The following ZNF462 variants were observed in gnomAD, a reference collection of about 807,000 sequenced individuals.
ZNF462 encodes zinc finger PBX1-interacting protein.
Under a neutral mutation model 201.9 loss-of-function variants are expected in ZNF462, and 10 were observed. The observed-to-expected ratio is 0.05, with a 90% CI of 0.03 to 0.08. The LOEUF (loss-of-function observed/expected upper bound fraction) is 0.08. Among genes scored for constraint, ZNF462 ranks in the 10% least tolerant of loss-of-function variants. ZNF462 has a pLI of 1.00. For missense variants in ZNF462, 2,523 were observed against 3,168.3 expected (o/e 0.80, Z 4.89); for synonymous variants, 1,227 against 1,193.3 (o/e 1.03, Z -0.58).
chr9:106,974,137 A>G lies in ZNF462; in HGVS notation c.6696A>G (p.Lys2232=). The G allele has an allele frequency of 6.2e-7, 1 of 1,614,028 alleles. No individual in the cohort carries two copies. Among genetic ancestry groups the G allele is most frequent in the South Asian group, 1.1e-5 (1 of 91,064 alleles). ...CKDCSFYTGF[K]SAFTMHVEAG... ...CCTCTCCTCCCAAACTCTCTCCTAG[A>G]TCTGCTTTTACTATGCACGTGGAAG... Residue 2232 remains lysine, a splice_region_variant and synonymous_variant, in exon 9 of 13, where the codon AAA becomes AAG. Transcript: ENST00000277225. The surrounding 1 kb of genome is among the most constrained non-coding windows in gnomAD (Gnocchi z 4.0).
At chr9:106,897,677 G>A (rs542242821) in intron 1 of ZNF462, among the ~76,000 whole-genome samples, 5 of 152,298 alleles carry the variant, frequency 3.3e-5, no homozygotes, top group African/African-American at 9.6e-5. Context: ...AAGGAGCACA[G>A]TAATATAATA....
At position 106,924,045 on chromosome 9, in the gene ZNF462, T is replaced by C. The variant is rs961478009; in HGVS notation, c.221-88T>C. 1.9e-5 allele frequency: 21 copies of C among 1,131,696 alleles called. No individual in the cohort carries two copies. In the South Asian group the frequency reaches 2.1e-4, roughly 11 times the overall value. 70.1% of individuals were successfully genotyped at this position (1,131,696 alleles called of 1,614,324 possible). On this transcript the variant is annotated intron_variant, in intron 2 of 12. Transcript: ENST00000277225. This position sits in a 1 kb window ranked among gnomAD's most constrained non-coding sequence, Gnocchi z 6.2. ...GCCTTTTGCATGTGATGTTTAGTAA[T>C]GAAGAATAATTGGAATGGTACTGAT...
rs1829352253 is a variant in ZNF462, at chr9:107,003,647, T to C, written c.7189+221T>C. ...AAAACAGACATTTTCTCCCTAATTA[T>C]AGATATATGTTTGTTGAAAAATAGA... On this transcript the variant is annotated intron_variant, in intron 11 of 12. Transcript: ENST00000277225. The surrounding 1 kb of genome is among the most constrained non-coding windows in gnomAD (Gnocchi z 4.4). 6.6e-6 allele frequency among the ~76,000 whole-genome samples: 1 copy of C among 152,138 alleles called. No homozygotes were observed. Among genetic ancestry groups the C allele is most frequent in the African/African-American group, 2.4e-5 (1 of 41,426 alleles).
chr9:106,862,831 ATTTC>A (rs747042341), upstream of ZNF462, among the ~76,000 whole-genome samples: 6 of 151,006 alleles, frequency 4.0e-5, no homozygotes, highest in Admixed American at 6.6e-5. The surrounding 1 kb of genome is among the most constrained non-coding windows in gnomAD (Gnocchi z 4.2). Context: ...CTTTTTCCTC[ATTTC>A]TTTCTTTCTT....
chr9:106,935,793 A>G lies in ZNF462; in HGVS notation c.6235+172A>G, dbSNP rs1333513458. Among the ~76,000 whole-genome samples the G allele has an allele frequency of 6.6e-6, 1 of 152,240 alleles. No individual in the cohort carries two copies. The highest frequency in any genetic ancestry group is 1.5e-5 in the Non-Finnish European group (1 of 68,030). On this transcript the variant is annotated intron_variant, in intron 6 of 12. Transcript: ENST00000277225. The surrounding 1 kb of genome is among the most constrained non-coding windows in gnomAD (Gnocchi z 4.1). Reference sequence around the variant, plus strand: ...GTAAAGAAAAAATAAAGAAAAAAGTAAAAGTTAAACAAAATCACCTAAATC... The same window carrying G: ...GTAAAGAAAAAATAAAGAAAAAAGTGAAAGTTAAACAAAATCACCTAAATC...
chr9:106,902,547 G>A lies in ZNF462; in HGVS notation c.-30-20807G>A, dbSNP rs943229333. On this transcript the variant is annotated intron_variant, in intron 1 of 12. Transcript: ENST00000277225. The surrounding 1 kb of genome is among the most constrained non-coding windows in gnomAD (Gnocchi z 4.2). ...GTAGAATTCTGCTGTGAATCCATCTGGTCCTGGACTTTTTTTGTTGGTAAT... is the reference window on the plus strand; with the variant it reads ...GTAGAATTCTGCTGTGAATCCATCTAGTCCTGGACTTTTTTTGTTGGTAAT... Among the ~76,000 whole-genome samples the A allele has an allele frequency of 6.6e-6, 1 of 151,972 alleles. No homozygotes were observed. The highest frequency in any genetic ancestry group is 1.5e-5 in the Non-Finnish European group (1 of 67,982).
In ZNF462 at chr9:106,928,411, C is replaced by T. The variant is rs900459415; in HGVS notation, c.4499C>T (p.Ala1500Val). ...GKKHPGMKVK[A>V]ADFAQDIDIN... Reference sequence around the variant, plus strand: ...AAGCACCCTGGCATGAAAGTGAAGGCTGCTGACTTTGCCCAGGACATTGAC... The same window carrying T: ...AAGCACCCTGGCATGAAAGTGAAGGTTGCTGACTTTGCCCAGGACATTGAC... The change falls in exon 3 of 13, where the codon GCT becomes GTT. Residue 1500 changes from alanine to valine, a missense_variant. Coordinates refer to ENST00000277225, the MANE Select transcript of ZNF462 (RefSeq NM_021224.6). This position sits in a 1 kb window ranked among gnomAD's most constrained non-coding sequence, Gnocchi z 9.3. The T allele has an allele frequency of 2.5e-6, 4 of 1,614,042 alleles. No homozygotes were observed. Among genetic ancestry groups the T allele is most frequent in the Non-Finnish European group, 3.4e-6 (4 of 1,180,028 alleles).
intron 7 of ZNF462, among the ~76,000 whole-genome samples, chr9:106,942,375 ACCTGTTCTGTGCTTCAGC>A (rs1830910638): frequency 1.3e-5 from 2 of 152,094 alleles, no homozygotes; most frequent in Non-Finnish European, 2.9e-5. Flanking sequence ...CTGGCCACAC[ACCTGTTCTGTGCTTCAGC>A]CCTGCTCTTG....
intron 9 of ZNF462, chr9:106,975,149 CTCAT>C (rs1017936136): frequency 6.6e-6 from 1 of 152,314 alleles, no homozygotes; most frequent in East Asian, 1.9e-4. Flanking sequence ...TACTGGAGTA[CTCAT>C]TGCCAGTCTT....
At position 107,003,853 on chromosome 9, in the gene ZNF462, G is replaced by A. The variant is rs1829367392; in HGVS notation, c.7189+427G>A. Among the ~76,000 whole-genome samples, 2 of 152,042 alleles carry A rather than the reference G, an allele frequency of 1.3e-5. No homozygotes were observed. The highest frequency in any genetic ancestry group is 4.1e-4 in the South Asian group (2 of 4,822). Reference sequence around the variant, plus strand: ...ACTGCTGGAACTGTAGGGGACGGTGGTGCAAAGAACTTGAGCCCCTACCCC... The same window carrying A: ...ACTGCTGGAACTGTAGGGGACGGTGATGCAAAGAACTTGAGCCCCTACCCC... On this transcript the variant is annotated intron_variant, in intron 11 of 12. Transcript: ENST00000277225. The surrounding 1 kb of genome is among the most constrained non-coding windows in gnomAD (Gnocchi z 4.4).
intron 1 of ZNF462, among the ~76,000 whole-genome samples, chr9:106,874,010 A>G (rs373976178): frequency 1.1e-4 from 16 of 152,238 alleles, no homozygotes; most frequent in South Asian, 4.1e-4. Flanking sequence ...TATAAAGTGT[A>G]CTAGAGAAGG....
chr9:106,964,529 C>T (rs139053882), intron 7 of ZNF462, among the ~76,000 whole-genome samples: 21 of 152,128 alleles, frequency 1.4e-4, no homozygotes, highest in African/African-American at 4.6e-4. Context: ...ACCTACACTG[C>T]GTTGTGTGTT....
At chr9:106,900,885 C>T (rs1423098328) in intron 1 of ZNF462, among the ~76,000 whole-genome samples, 1 of 152,094 alleles carries the variant, frequency 6.6e-6, no homozygotes, top group Non-Finnish European at 1.5e-5. Context: ...AAGCTCTTTA[C>T]TTTAATTAGG....
Position 106,883,125 on chromosome 9 carries a change from G to A in ZNF462, c.-31+19770G>A, listed in dbSNP as rs1828174601. On this transcript the variant is annotated intron_variant, in intron 1 of 12. Coordinates refer to ENST00000277225, the MANE Select transcript of ZNF462 (RefSeq NM_021224.6). This position sits in a 1 kb window ranked among gnomAD's most constrained non-coding sequence, Gnocchi z 4.9. ...CTTCTAGGTATTAGGTGACCTTGCA[G>A]TATTAAAGAAACCCATGGGTCCTGT... Among the ~76,000 whole-genome samples the A allele has an allele frequency of 6.6e-6, 1 of 152,204 alleles. No homozygotes were observed. Among genetic ancestry groups the A allele is most frequent in the Admixed American group, 6.5e-5 (1 of 15,280 alleles).
Position 106,932,669 on chromosome 9 carries a change from C to G in ZNF462, c.6116+120C>G, listed in dbSNP as rs1029267354. The G allele has an allele frequency of 2.2e-5, 28 of 1,255,244 alleles. No individual in the cohort carries two copies. Among genetic ancestry groups the G allele is most frequent in the African/African-American group, 9.0e-5 (6 of 66,946 alleles). The allele number at this position is 1,255,244 out of a possible 1,614,324, so 77.8% of individuals were successfully genotyped here. ...CCCCACTCATGGTTCACACCTGCTG[C>G]TATGTTACCTGGAGCCTCAGTCACC... On this transcript the variant is annotated intron_variant, in intron 5 of 12. Coordinates refer to ENST00000277225, the MANE Select transcript of ZNF462 (RefSeq NM_021224.6). The surrounding 1 kb of genome is among the most constrained non-coding windows in gnomAD (Gnocchi z 6.8).
intron 1 of ZNF462, among the ~76,000 whole-genome samples, chr9:106,893,959 A>G (rs189709003): frequency 5.3e-5 from 8 of 152,326 alleles, no homozygotes; most frequent in African/African-American, 1.7e-4. Flanking sequence ...TTTCTGGAGG[A>G]CTAGAGAAGT....
rs1264598249 is a variant in ZNF462 at position 106,902,940 on chromosome 9, T to C, written c.-30-20414T>C. 1.3e-5 allele frequency among the ~76,000 whole-genome samples: 2 copies of C among 152,152 alleles called. No homozygotes were observed. Among genetic ancestry groups the C allele is most frequent in the African/African-American group, 2.4e-5 (1 of 41,456 alleles). On this transcript the variant is annotated intron_variant, in intron 1 of 12. Coordinates refer to ENST00000277225, the MANE Select transcript of ZNF462 (RefSeq NM_021224.6). This position sits in a 1 kb window ranked among gnomAD's most constrained non-coding sequence, Gnocchi z 4.2. ...GTTTGAATTTCATTTAGTTTTGCCC[T>C]GATCTTGGTTATTTCCTCCCTTCTG...
intron 9 of ZNF462, among the ~76,000 whole-genome samples, chr9:106,983,966 A>G (rs1459253244): frequency 6.6e-6 from 1 of 152,166 alleles, no homozygotes; most frequent in Non-Finnish European, 1.5e-5. Flanking sequence ...CTGGGTATTA[A>G]GTACACAAAG....
chr9:106,961,722 A>G (rs972304024), intron 7 of ZNF462, among the ~76,000 whole-genome samples: 3 of 151,972 alleles, frequency 2.0e-5, no homozygotes, highest in Non-Finnish European at 2.9e-5. Flanking sequence ...GTAGGGGTAA[A>G]ATAAATTAAC....
Sources: allele counts gnomAD v4.1 joint callset (sites outside exome capture counted in the v4.1 genomes callset), GRCh38; gene constraint gnomAD v4.1.1; non-coding constraint Gnocchi (gnomAD v3.1); transcripts MANE v1.5; gene names NCBI Gene and HGNC (gene_info 2026-07-23, HGNC 2026-07-21).